Variants in CCDC171 observed in about 807,000 individuals in gnomAD.
CCDC171 encodes coiled-coil domain-containing protein 171.
A neutral mutation model predicts 168.2 loss-of-function variants in CCDC171; 177 were observed. The ratio of observed to expected loss-of-function variants is 1.05; its 90% CI spans 0.93 to 1.19. The LOEUF (loss-of-function observed/expected upper bound fraction) is 1.19. Among genes scored for constraint, CCDC171 ranks in the 50% most tolerant of loss-of-function variants. The pLI, the probability that CCDC171 is intolerant of heterozygous loss-of-function variation, is 0.00. For missense variants in CCDC171, 1,991 were observed against 1,539.0 expected, an observed-to-expected ratio of 1.29 and a Z score of -4.91; for synonymous variants, 687 against 540.8, an observed-to-expected ratio of 1.27 and a Z score of -3.75.
chr9:15,704,282 C>T (rs904684588), intron 11 of CCDC171, among the ~76,000 whole-genome samples: 28 of 152,220 alleles, frequency 1.8e-4, no homozygotes, highest in African/African-American at 6.5e-4. Flanking sequence ...CAGCTACTCC[C>T]GAGGCTGAAG....
chr9:15,861,246 C>T (rs2061545802), intron 23 of CCDC171, among the ~76,000 whole-genome samples: 1 of 150,710 alleles, frequency 6.6e-6, no homozygotes, highest in Non-Finnish European at 1.5e-5. Flanking sequence ...TTCAGCCACT[C>T]TGTGTCTCTT....
At chr9:15,596,416 T>G (rs1414719845) in intron 6 of CCDC171, among the ~76,000 whole-genome samples, 36 of 152,102 alleles carry the variant, frequency 2.4e-4, no homozygotes, top group African/African-American at 7.0e-4. Flanking sequence ...TTTCCCCATT[T>G]CTTGTTTTTG....
At chr9:16,045,412 A>G (rs1016661025) in intron 1 of CCDC171, among the ~76,000 whole-genome samples, 1 of 152,204 alleles carries the variant, frequency 6.6e-6, no homozygotes, top group Non-Finnish European at 1.5e-5. Context: ...TGTCTTGTGA[A>G]TTACAGGAGG....
intron 24 of CCDC171, among the ~76,000 whole-genome samples, chr9:15,894,650 C>G (rs1226000277): frequency 1.3e-5 from 2 of 152,032 alleles, no homozygotes; most frequent in African/African-American, 4.8e-5. Context: ...AACTTGAACA[C>G]AGTGCACATA....
At chr9:15,805,356 T>C (rs1267168481) in intron 21 of CCDC171, among the ~76,000 whole-genome samples, 1 of 152,136 alleles carries the variant, frequency 6.6e-6, no homozygotes, top group African/African-American at 2.4e-5. Flanking sequence ...TCGAGACCTT[T>C]GTAGCTTTTT....
chr9:15,831,209 T>C (rs2060217511), intron 21 of CCDC171, among the ~76,000 whole-genome samples: 1 of 151,976 alleles, frequency 6.6e-6, no homozygotes, highest in Non-Finnish European at 1.5e-5. Flanking sequence ...CCTAACCTTG[T>C]GATCCGGCTG....
At chr9:15,558,973 C>T (rs1476849926) in intron 1 of CCDC171, among the ~76,000 whole-genome samples, 1 of 152,108 alleles carries the variant, frequency 6.6e-6, no homozygotes, top group African/African-American at 2.4e-5. Flanking sequence ...TTTATTTCTG[C>T]CTTCATTTCG....
At chr9:15,984,225 C>G (rs925026031) in intron 3 of CCDC171, among the ~76,000 whole-genome samples, 61 of 51,648 alleles carry the variant, frequency 1.2e-3, no homozygotes, top group African/African-American at 5.7e-3. Context: ...AATGAGAAAG[C>G]ATAGACTTCC....
chr9:15,561,385 G>T (rs1005057192), intron 1 of CCDC171, among the ~76,000 whole-genome samples: 1 of 152,152 alleles, frequency 6.6e-6, no homozygotes, highest in African/African-American at 2.4e-5. Context: ...AAATATTGAA[G>T]AAGAGAAAGG....
At chr9:15,659,464 T>C (rs1199920911) in intron 8 of CCDC171, among the ~76,000 whole-genome samples, 1 of 152,244 alleles carries the variant, frequency 6.6e-6, no homozygotes, top group Non-Finnish European at 1.5e-5. Context: ...TGTATACCTA[T>C]AATAGTATTT....
Position 15,892,460 on chromosome 9 carries a change from CAT to C in CCDC171, c.3600+17798_3600+17799del, listed in dbSNP as rs376414212. 1.4e-3 allele frequency among the ~76,000 whole-genome samples: 212 copies of C among 152,238 alleles called. 1 individual carries two copies. The highest frequency in any genetic ancestry group is 4.7e-3 in the African/African-American group (197 of 41,564). On this transcript the variant is annotated intron_variant, in intron 24 of 25. Transcript: ENST00000380701. ...CCTTTTCTGCATCTATTGAGATAAT[CAT>C]GTGTTTTTTTTCTTTAGTTGTTTAG...
chr9:15,575,934 A>C (rs2040614793), intron 3 of CCDC171, among the ~76,000 whole-genome samples: 1 of 152,086 alleles, frequency 6.6e-6, no homozygotes, highest in Admixed American at 6.6e-5. Context: ...TCTACTAAAA[A>C]TGCAAAAATT....
intron 3 of CCDC171, 133 bp downstream of exon 3, chr9:15,571,892 G>A (rs1009232404): frequency 4.2e-6 from 3 of 713,748 alleles, no homozygotes; most frequent in East Asian, 6.6e-5. Flanking sequence ...TTGTAATAAA[G>A]GAAACATAAT....
chr9:15,851,717 A>C (rs2061136306), intron 23 of CCDC171, among the ~76,000 whole-genome samples: 1 of 151,896 alleles, frequency 6.6e-6, no homozygotes, highest in Non-Finnish European at 1.5e-5. Flanking sequence ...CCCAGTACCC[A>C]AGAAGCAATT....
chr9:15,793,972 T>C (rs1310966804), intron 21 of CCDC171, among the ~76,000 whole-genome samples: 1 of 152,112 alleles, frequency 6.6e-6, no homozygotes, highest in Non-Finnish European at 1.5e-5. Context: ...CTTATTCCTT[T>C]AGGTTTTTTT....
At position 15,778,998 on chromosome 9, in the gene CCDC171, C is replaced by G. The variant is rs773098623; in HGVS notation, c.2929C>G (p.Leu977Val). ...KSTASLQKQILGFTQRLHAAE... is the reference protein window; with the variant it reads ...KSTASLQKQIVGFTQRLHAAE... The stretch of plus-strand genomic sequence containing the variant: ...CACAGCATCGTTGCAGAAGCAAATA[C>G]TTGGATTTACACAAAGACTGCATGC... The change falls in exon 20 of 26, where the codon CTT becomes GTT. Residue 977 changes from leucine (L) to valine (V), a missense_variant. Physicochemically the swap from Leu to Val is conservative, Grantham distance 32. Transcript: ENST00000380701. 2 of 1,544,166 alleles carry G rather than the reference C, an allele frequency of 1.3e-6. No homozygotes were observed. Among genetic ancestry groups the G allele is most frequent in the Non-Finnish European group, 1.7e-6 (2 of 1,148,066 alleles).
chr9:15,887,214 CACAT>C (rs1819547639), intron 24 of CCDC171, among the ~76,000 whole-genome samples: 1 of 152,030 alleles, frequency 6.6e-6, no homozygotes, highest in Non-Finnish European at 1.5e-5. Flanking sequence ...ATTAAATAAT[CACAT>C]TATATCCCTT....
chr9:15,698,833 A>G (rs945876779), intron 11 of CCDC171, among the ~76,000 whole-genome samples: 6 of 152,140 alleles, frequency 3.9e-5, no homozygotes, highest in Non-Finnish European at 8.8e-5. Context: ...GACTTTAGGT[A>G]TGGTAGCATC....
At chr9:15,632,002 G>A (rs1010023856) in intron 7 of CCDC171, among the ~76,000 whole-genome samples, 2 of 152,076 alleles carry the variant, frequency 1.3e-5, no homozygotes, top group Non-Finnish European at 2.9e-5. Flanking sequence ...AATAAATTAG[G>A]TATTGATGGG....
Sources: allele counts gnomAD v4.1 joint callset (sites outside exome capture counted in the v4.1 genomes callset), GRCh38; gene constraint gnomAD v4.1.1; transcripts MANE v1.5; gene names NCBI Gene and HGNC (gene_info 2026-07-23, HGNC 2026-07-21).